The following CCDC91 variants were observed in gnomAD, a reference collection of about 807,000 sequenced individuals.
CCDC91 encodes coiled-coil domain containing 91.
In CCDC91, 48 loss-of-function variants were observed where a neutral mutation model predicts 63.2. The observed-to-expected ratio is 0.76, with a 90% CI of 0.60 to 0.97. CCDC91 has a LOEUF of 0.97. Among genes scored for constraint, CCDC91 ranks in the 50% least tolerant of loss-of-function variants. CCDC91 has a pLI of 0.00. For missense variants in CCDC91, 500 were observed against 494.6 expected, an observed-to-expected ratio of 1.01 and a Z score of -0.10; for synonymous variants, 167 against 165.8, an observed-to-expected ratio of 1.01 and a Z score of -0.06.
At chr12:28,467,916 A>G (rs1305646074) in intron 11 of CCDC91, among the ~76,000 whole-genome samples, 3 of 151,982 alleles carry the variant, frequency 2.0e-5, no homozygotes, top group Non-Finnish European at 4.4e-5. Context: ...TGGAAACGCA[A>G]CATACCAAAA....
chr12:28,540,866 A>G (rs944801502), intron 12 of CCDC91, among the ~76,000 whole-genome samples: 3 of 152,114 alleles, frequency 2.0e-5, no homozygotes, highest in African/African-American at 7.2e-5. Context: ...ACCAGCTGCC[A>G]TCTCATTAGG....
intron 11 of CCDC91, among the ~76,000 whole-genome samples, chr12:28,463,227 G>A (rs970255470): frequency 2.0e-5 from 3 of 152,114 alleles, no homozygotes; most frequent in Non-Finnish European, 4.4e-5. Context: ...ACACAGAGAT[G>A]GAAATGAGCA....
intron 1 of CCDC91, among the ~76,000 whole-genome samples, chr12:28,235,484 A>T (rs1480697013): frequency 6.6e-6 from 1 of 152,098 alleles, no homozygotes; most frequent in Non-Finnish European, 1.5e-5. Context: ...CTGACAAAGG[A>T]TAGAATGCTG....
chr12:28,304,505 T>C (rs925783907), intron 3 of CCDC91: 4 of 286,872 alleles, frequency 1.4e-5, no homozygotes, highest in African/African-American at 4.6e-5. Flanking sequence ...TTGCTAAAAA[T>C]GCAATATTGC....
intron 3 of CCDC91, among the ~76,000 whole-genome samples, chr12:28,265,793 A>G (rs1202831869): frequency 2.6e-5 from 4 of 152,050 alleles, no homozygotes; most frequent in African/African-American, 9.7e-5. Context: ...TCTGATTTAT[A>G]TTTGAGGTAA....
In CCDC91 at chr12:28,549,827, C is replaced by G. The variant is rs1453405280; in HGVS notation, c.*654C>G. On this transcript the variant is annotated 3_prime_UTR_variant, in exon 13 of 13. Transcript: ENST00000536442. ...GGTGTGTGTGGTGTATGCTTGTTTC[C>G]TATTTCTGCTCTTTAAAGATACTTT... is the stretch of plus-strand genomic sequence containing the variant. The G allele has an allele frequency of 2.6e-5, 4 of 151,982 alleles. No homozygotes were observed. The highest frequency in any genetic ancestry group is 5.9e-5 in the Non-Finnish European group (4 of 67,978). 9.4% of individuals were successfully genotyped at this position (151,982 alleles called of 1,614,324 possible).
chr12:28,231,944 A>C (rs1334979450), intron 1 of CCDC91, among the ~76,000 whole-genome samples: 2 of 152,164 alleles, frequency 1.3e-5, no homozygotes, highest in Non-Finnish European at 2.9e-5. Flanking sequence ...TGTAAGCAGA[A>C]TTTAGATTGT....
intron 8 of CCDC91, among the ~76,000 whole-genome samples, chr12:28,430,930 A>T (rs796496200): frequency 1.3e-4 from 20 of 152,268 alleles, no homozygotes; most frequent in African/African-American, 4.6e-4. Context: ...TGCTCTGCCC[A>T]TGGCATGAAT....
intron 1 of CCDC91, among the ~76,000 whole-genome samples, chr12:28,208,515 GC>G (rs1943006004): frequency 6.6e-6 from 1 of 152,040 alleles, no homozygotes; most frequent in African/African-American, 2.4e-5. Flanking sequence ...TGCTTCAGGG[GC>G]CCTCTGGAGC....
intron 11 of CCDC91, among the ~76,000 whole-genome samples, chr12:28,461,177 C>T (rs1160405508): frequency 6.6e-6 from 1 of 151,842 alleles, no homozygotes; most frequent in African/African-American, 2.4e-5. Context: ...ATACACAGTC[C>T]CTCATTGACA....
chr12:28,256,247 C>T (rs1350769834), intron 1 of CCDC91, among the ~76,000 whole-genome samples: 1 of 152,018 alleles, frequency 6.6e-6, no homozygotes, highest in African/African-American at 2.4e-5. Flanking sequence ...GAAAAATAAA[C>T]CAATTATTAC....
chr12:28,289,685 C>CTTTTTTTTTT (rs75555723), intron 3 of CCDC91, among the ~76,000 whole-genome samples: 33 of 98,528 alleles, frequency 3.3e-4, no homozygotes, highest in African/African-American at 1.1e-3. Context: ...CTTTTCTTTT[C>CTTTTTTTTTT]TTTTTTTTTT....
intron 7 of CCDC91, among the ~76,000 whole-genome samples, chr12:28,368,440 GACCAT>G (rs1244654916): frequency 6.6e-6 from 1 of 152,136 alleles, no homozygotes; most frequent in African/African-American, 2.4e-5. Flanking sequence ...TTGTTAGATG[GACCAT>G]ACTCCAGATA....
At chr12:28,214,647 C>T (rs759670720) in intron 1 of CCDC91, among the ~76,000 whole-genome samples, 7 of 151,764 alleles carry the variant, frequency 4.6e-5, no homozygotes, top group African/African-American at 7.3e-5. Context: ...TAAGATAGTT[C>T]GACTATATAT....
intron 8 of CCDC91, among the ~76,000 whole-genome samples, chr12:28,438,571 T>C (rs1172877317): frequency 6.6e-6 from 1 of 152,174 alleles, no homozygotes; most frequent in African/African-American, 2.4e-5. Flanking sequence ...AATTATCTTA[T>C]ATACATGCAT....
intron 3 of CCDC91, among the ~76,000 whole-genome samples, chr12:28,271,998 A>T (rs2136390777): frequency 2.0e-5 from 3 of 151,488 alleles, no homozygotes; most frequent in Non-Finnish European, 4.4e-5. Flanking sequence ...TGTTAGATAG[A>T]TTCCTCTAGC....
At chr12:28,278,618 C>G (rs188237902) in intron 3 of CCDC91, among the ~76,000 whole-genome samples, 1 of 152,158 alleles carries the variant, frequency 6.6e-6, no homozygotes, top group East Asian at 1.9e-4. Context: ...ATAGTTAGGA[C>G]TGGAGTGTCT....
intron 1 of CCDC91, among the ~76,000 whole-genome samples, chr12:28,214,513 A>G (rs1195903015): frequency 2.0e-5 from 3 of 152,158 alleles, no homozygotes; most frequent in Non-Finnish European, 4.4e-5. Context: ...ATAGTTATTA[A>G]TACCAGCTAT....
chr12:28,349,762 C>G (rs1943055574), intron 6 of CCDC91, among the ~76,000 whole-genome samples: 1 of 152,104 alleles, frequency 6.6e-6, no homozygotes, highest in African/African-American at 2.4e-5. Flanking sequence ...GGTACTCCTG[C>G]CCTCATCTGT....
Sources: gnomAD v4.1 joint callset for allele counts (sites outside exome capture counted in the v4.1 genomes callset) on GRCh38, gnomAD v4.1.1 for gene constraint, MANE v1.5 for transcripts, NCBI Gene and HGNC (gene_info 2026-07-23, HGNC 2026-07-21) for gene names.